The following RTL4 variants were observed in gnomAD, a reference collection of about 807,000 sequenced individuals.
RTL4 encodes the protein retrotransposon Gag-like protein 4.
RTL4 carries 4 observed loss-of-function variants against 5.3 expected under a neutral mutation model. The ratio of observed to expected loss-of-function variants is 0.75; its 90% CI spans 0.37 to 1.72. The LOEUF (loss-of-function observed/expected upper bound fraction) is 1.72, where lower values mean the gene tolerates loss of function less well. Among genes scored for constraint, RTL4 ranks in the 40% most tolerant of loss-of-function variants. RTL4 has a pLI of 0.04. For missense variants in RTL4, 260 were observed against 227.1 expected, an observed-to-expected ratio of 1.14 and a Z score of -0.93; for synonymous variants, 98 against 87.3, an observed-to-expected ratio of 1.12 and a Z score of -0.68.
the RTL4 span, among the ~76,000 whole-genome samples, chrX:112,440,482 C>A: frequency 2.7e-5 from 3 of 111,739 alleles, no homozygotes; most frequent in Non-Finnish European, 3.8e-5. Context: ...AGATACATCA[C>A]TCCTGATGGG....
chrX:112,243,070 A>G, the RTL4 span, among the ~76,000 whole-genome samples: 2 of 110,888 alleles, frequency 1.8e-5, no homozygotes, highest in African/African-American at 3.3e-5. Flanking sequence ...AAGCTTTTTG[A>G]TGTGCTGCTG....
chrX:112,122,459 G>A, the RTL4 span, among the ~76,000 whole-genome samples: 1 of 110,243 alleles, frequency 9.1e-6, no homozygotes, highest in African/African-American at 3.3e-5. Context: ...GGTGAGGGAA[G>A]GCGAGGGATG....
the RTL4 span, among the ~76,000 whole-genome samples, chrX:112,422,399 T>G: frequency 8.1e-5 from 9 of 111,238 alleles, no homozygotes; most frequent in African/African-American, 2.9e-4. Flanking sequence ...TTGCTATCTA[T>G]GACCCAGAAA....
the RTL4 span, among the ~76,000 whole-genome samples, chrX:112,241,673 T>C: frequency 3.6e-5 from 4 of 112,273 alleles, no homozygotes; most frequent in African/African-American, 1.3e-4. Flanking sequence ...GTAATCTCTT[T>C]TGCTGTGGAG....
chrX:112,131,021 G>A, the RTL4 span, among the ~76,000 whole-genome samples: 1 of 105,013 alleles, frequency 9.5e-6, no homozygotes, highest in African/African-American at 3.8e-5. Flanking sequence ...GGATGGTCTC[G>A]ATCTCCTGAC....
At chrX:112,207,567 C>T in the RTL4 span, among the ~76,000 whole-genome samples, 6 of 110,731 alleles carry the variant, frequency 5.4e-5, no homozygotes, top group Non-Finnish European at 7.5e-5. Context: ...TTGGAGATTC[C>T]GTCCATGCTC....
chrX:112,128,659 CAAAAAAA>C, the RTL4 span, among the ~76,000 whole-genome samples: 109 of 41,121 alleles, frequency 2.7e-3, no homozygotes, highest in African/African-American at 5.8e-3. Context: ...CTCTGTCTCA[CAAAAAAA>C]AAAAAAAAAA....
chrX:112,122,806 A>G, the RTL4 span, among the ~76,000 whole-genome samples: 1 of 111,377 alleles, frequency 9.0e-6, no homozygotes, highest in African/African-American at 3.3e-5. Flanking sequence ...ATATCTATCA[A>G]TTTTATGTGT....
the RTL4 span, among the ~76,000 whole-genome samples, chrX:112,229,521 G>A: frequency 1.3e-4 from 15 of 111,885 alleles, no homozygotes; most frequent in East Asian, 2.2e-3. Flanking sequence ...GGATTTTGCC[G>A]TATCTCATGT....
chrX:112,157,147 C>T, the RTL4 span, among the ~76,000 whole-genome samples: 2 of 108,777 alleles, frequency 1.8e-5, no homozygotes, highest in African/African-American at 6.7e-5. Flanking sequence ...CCCAGAATAT[C>T]AGCTTTAATA....
At chrX:112,187,905 G>T in the RTL4 span, among the ~76,000 whole-genome samples, 1 of 111,559 alleles carries the variant, frequency 9.0e-6, no homozygotes, top group Non-Finnish European at 1.9e-5. Context: ...TAATATCAAT[G>T]ATCTTTGATA....
chrX:112,414,072 T>C, the RTL4 span, among the ~76,000 whole-genome samples: 1 of 111,478 alleles, frequency 9.0e-6, no homozygotes, highest in South Asian at 3.7e-4. Flanking sequence ...CAGTATTTGG[T>C]ACATAGTAGG....
chrX:112,226,989 C>CAAAACAAAATAAAATAAAAT, the RTL4 span, among the ~76,000 whole-genome samples: 407 of 95,713 alleles, frequency 4.3e-3, 3 homozygotes, highest in African/African-American at 0.015. Context: ...TAAAATAAAA[C>CAAAACAAAATAAAATAAAAT]AAAATAAAAT....
chrX:112,208,014 T>C, the RTL4 span, among the ~76,000 whole-genome samples: 24 of 111,842 alleles, frequency 2.1e-4, no homozygotes, highest in African/African-American at 7.5e-4. Context: ...TTTTGATAGA[T>C]ATTAGACCAG....
the RTL4 span, among the ~76,000 whole-genome samples, chrX:112,310,771 A>G: frequency 1.3e-5 from 1 of 79,561 alleles, no homozygotes; most frequent in African/African-American, 5.2e-5. Context: ...TCAATATTAT[A>G]TATAATATAT....
the RTL4 span, among the ~76,000 whole-genome samples, chrX:112,214,318 T>G: frequency 1.2e-4 from 13 of 112,247 alleles, no homozygotes; most frequent in South Asian, 1.9e-3. Context: ...TCCAGGTTCA[T>G]CTGCATTGTC....
chrX:112,281,403 G>C, the RTL4 span, among the ~76,000 whole-genome samples: 3 of 111,915 alleles, frequency 2.7e-5, no homozygotes, highest in South Asian at 1.1e-3. Flanking sequence ...ATGAACACAG[G>C]TTGATTCCGT....
the RTL4 span, among the ~76,000 whole-genome samples, chrX:112,382,527 AC>A: frequency 1.4e-3 from 156 of 112,217 alleles, no homozygotes; most frequent in Admixed American, 2.3e-3. Flanking sequence ...AAGGAAACCA[AC>A]CTAAGGAGGT....
chrX:112,271,549 T>C, the RTL4 span, among the ~76,000 whole-genome samples: 1 of 111,762 alleles, frequency 8.9e-6, no homozygotes, highest in South Asian at 3.7e-4. Flanking sequence ...GGGGGAAAGC[T>C]CTGAGCAATT....
Sources: gnomAD v4.1 joint callset for allele counts (sites outside exome capture counted in the v4.1 genomes callset) on GRCh38, gnomAD v4.1.1 for gene constraint, MANE v1.5 for transcripts, NCBI Gene and HGNC (gene_info 2026-07-23, HGNC 2026-07-21) for gene names.